KANK1: variants seen among roughly 807,000 people sequenced by gnomAD.
The protein encoded by KANK1 is KN motif and ankyrin repeat domain-containing protein 1.
A neutral mutation model predicts 106.2 loss-of-function variants in KANK1; 109 were observed. That is an observed-to-expected ratio of 1.03 (90% confidence interval 0.88 to 1.20). The LOEUF is 1.20. Ranked by LOEUF, KANK1 falls within the 50% of genes most tolerant of loss-of-function variation. The pLI is 0.00. For synonymous variants in KANK1, 873 were observed against 652.2 expected (o/e 1.34, Z -5.16); for missense variants, 2,399 against 1,710.7 (o/e 1.40, Z -7.10).
intron 1 of KANK1, among the ~76,000 whole-genome samples, chr9:649,536 T>C (rs543335202): frequency 1.3e-5 from 2 of 152,300 alleles, no homozygotes; most frequent in African/African-American, 4.8e-5. Context: ...CAGATGTAAG[T>C]AAGTAGTGCC....
intron 2 of KANK1, among the ~76,000 whole-genome samples, chr9:678,391 A>T (rs72691391): frequency 6.6e-6 from 1 of 152,124 alleles, no homozygotes; most frequent in South Asian, 2.1e-4. Flanking sequence ...CATCATCCCT[A>T]TGTAATGTCA....
intron 1 of KANK1, among the ~76,000 whole-genome samples, chr9:631,842 T>G (rs1010008766): frequency 1.3e-5 from 2 of 152,242 alleles, no homozygotes; most frequent in Non-Finnish European, 2.9e-5. Flanking sequence ...TTTAGTCATC[T>G]TTAAGCCTCA....
intron 1 of KANK1, among the ~76,000 whole-genome samples, chr9:532,625 T>A (rs772761630): frequency 5.9e-5 from 9 of 152,150 alleles, no homozygotes; most frequent in Admixed American, 1.3e-4. Context: ...ACTCAGAAGC[T>A]TAACATTCCT....
chr9:604,615 T>C (rs1452537746), intron 1 of KANK1, among the ~76,000 whole-genome samples: 1 of 151,756 alleles, frequency 6.6e-6, no homozygotes, highest in African/African-American at 2.4e-5. Flanking sequence ...GCAGATCACT[T>C]GAGGTCAGGA....
At chr9:681,428 ATGT>A (rs1817534215) in intron 2 of KANK1, among the ~76,000 whole-genome samples, 1 of 152,120 alleles carries the variant, frequency 6.6e-6, no homozygotes, top group South Asian at 2.1e-4. Flanking sequence ...TTTCTGAATC[ATGT>A]TGTAAACTGA....
intron 2 of KANK1, among the ~76,000 whole-genome samples, chr9:697,673 A>C (rs1219254244): frequency 6.6e-6 from 1 of 152,200 alleles, no homozygotes; most frequent in Admixed American, 6.5e-5. Context: ...GTATTCCTAC[A>C]TATTTATTAT....
intron 1 of KANK1, among the ~76,000 whole-genome samples, chr9:518,847 A>G (rs988489092): frequency 7.9e-5 from 12 of 151,022 alleles, no homozygotes; most frequent in Non-Finnish European, 1.8e-4. Context: ...GGAAACCACA[A>G]CTCCATGAAG....
At chr9:608,245 G>C (rs985590069) in intron 1 of KANK1, among the ~76,000 whole-genome samples, 13 of 150,694 alleles carry the variant, frequency 8.6e-5, no homozygotes, top group South Asian at 2.1e-4. Flanking sequence ...CACCTTGTTA[G>C]CCAGGATGGT....
intron 1 of KANK1, among the ~76,000 whole-genome samples, chr9:617,252 A>G (rs529513339): frequency 1.3e-4 from 20 of 152,246 alleles, no homozygotes; most frequent in African/African-American, 4.6e-4. Context: ...AACAATCTGT[A>G]TTCTACAACT....
chr9:744,407 G>C, intron 10 of KANK1, 84 bp from the exon 11 acceptor site: 8 of 1,463,176 alleles, frequency 5.5e-6, no homozygotes, highest in Non-Finnish European at 7.4e-6. Context: ...GCCAATTATT[G>C]GAGGGTGTTT....
chr9:587,814 C>A (rs1823871449), intron 1 of KANK1, among the ~76,000 whole-genome samples: 2 of 152,146 alleles, frequency 1.3e-5, no homozygotes, highest in African/African-American at 4.8e-5. Context: ...TCCTGTAATG[C>A]CAGCACTTTA....
At chr9:484,459 T>G (rs891916073) in intron 3 of KANK1, 3 of 152,276 alleles carry the variant, frequency 2.0e-5, no homozygotes, top group African/African-American at 7.2e-5. Flanking sequence ...GTTGTGATTT[T>G]GCCATTCTTC....
In KANK1 at chr9:707,165, G is replaced by A. The variant is rs544532836; in HGVS notation, c.38-3639G>A. 3.8e-4 allele frequency: 371 copies of A among 985,632 alleles called. 2 individuals are homozygous for A. In the African/African-American group the frequency reaches 6.2e-3, roughly 16 times the overall value. The allele number at this position is 985,632 out of a possible 1,614,324, so 61.1% of individuals were successfully genotyped here. ...TCTCCTCACGGGGTGAGGATCGAGG[G>A]CGCCCGAGGCCGGGTCCGGCTGAGC... On this transcript the variant is annotated intron_variant, in intron 2 of 11. Coordinates refer to ENST00000382297, the MANE Select transcript of KANK1 (RefSeq NM_015158.5).
chr9:698,146 A>G (rs986228671), intron 2 of KANK1, among the ~76,000 whole-genome samples: 2 of 152,196 alleles, frequency 1.3e-5, no homozygotes, highest in African/African-American at 4.8e-5. Flanking sequence ...GTGGATAGGT[A>G]CACAAAGCTG....
chr9:515,945 T>G (rs1407258846), intron 1 of KANK1, among the ~76,000 whole-genome samples: 1 of 151,938 alleles, frequency 6.6e-6, no homozygotes, highest in South Asian at 2.1e-4. Flanking sequence ...TTCCTTTAGC[T>G]TTTATTCTGG....
chr9:742,033 C>T (rs1166651207), intron 9 of KANK1, among the ~76,000 whole-genome samples, 172 bp from the exon 10 acceptor site: 1 of 152,170 alleles, frequency 6.6e-6, no homozygotes, highest in African/African-American at 2.4e-5. Context: ...GCTCATAGCT[C>T]ATGGGAAGCT....
At chr9:578,793 T>G (rs80009957) in intron 1 of KANK1, among the ~76,000 whole-genome samples, 6,459 of 152,272 alleles carry the variant, frequency 0.042, 150 homozygotes, top group Non-Finnish European at 0.056. Context: ...AGAAAACTAA[T>G]ATTACTCTAC....
intron 1 of KANK1, among the ~76,000 whole-genome samples, chr9:516,952 C>T (rs2059304324): frequency 6.7e-6 from 1 of 149,800 alleles, no homozygotes; most frequent in South Asian, 2.1e-4. Flanking sequence ...CCCAGATGCC[C>T]TGCCAGGTGT....
chr9:679,640 C>A (rs2138998575), intron 2 of KANK1, among the ~76,000 whole-genome samples: 1 of 152,274 alleles, frequency 6.6e-6, no homozygotes, highest in South Asian at 2.1e-4. Context: ...GGGTTGAACT[C>A]ATGACTTCAG....
Sources: allele counts gnomAD v4.1 joint callset (sites outside exome capture counted in the v4.1 genomes callset), GRCh38; gene constraint gnomAD v4.1.1; transcripts MANE v1.5; gene names NCBI Gene and HGNC (gene_info 2026-07-23, HGNC 2026-07-21).